DIP2C: variants seen among roughly 807,000 people sequenced by gnomAD.
The protein encoded by DIP2C is DIP2 acetate--CoA ligase C (putative).
A neutral mutation model predicts 192.4 loss-of-function variants in DIP2C; 33 were observed. That is an observed-to-expected ratio of 0.17 (90% CI 0.13 to 0.23). The LOEUF is 0.23. Among genes scored for constraint, DIP2C ranks in the 10% least tolerant of loss-of-function variants. The pLI is 1.00. For synonymous variants in DIP2C, 979 were observed against 864.1 expected, an observed-to-expected ratio of 1.13 and a Z score of -2.33; for missense variants, 1,537 against 2,110.1, an observed-to-expected ratio of 0.73 and a Z score of 5.32.
chr10:364,260 G>C, intron 20 of DIP2C, 114 bp downstream of exon 20: 1 of 1,253,104 alleles, frequency 8.0e-7, no homozygotes, highest in South Asian at 1.5e-5. Flanking sequence ...ACATGGAAGA[G>C]GAAACGGAGA....
chr10:594,742 C>A (rs1251487484), intron 1 of DIP2C, among the ~76,000 whole-genome samples: 2 of 152,254 alleles, frequency 1.3e-5, no homozygotes, highest in South Asian at 4.1e-4. Flanking sequence ...TCAAGAAAAC[C>A]CATGTTCACT....
chr10:344,762 G>A (rs751632080), intron 28 of DIP2C, 47 bp downstream of exon 28: 40 of 1,505,028 alleles, frequency 2.7e-5, no homozygotes, highest in African/African-American at 1.1e-4. Flanking sequence ...CCTCCAGCAC[G>A]CTCCGCAGTT....
rs565745467 is a variant in DIP2C at position 631,809 on chromosome 10, A to G, written c.85+57685T>C. On this transcript the variant is annotated intron_variant, in intron 1 of 36. Coordinates refer to ENST00000280886, the MANE Select transcript of DIP2C (RefSeq NM_014974.3). ...TAGCAGCTTAATGTTTTCATGATAT[A>G]CAAGCATGAAGTTTGGCGAAGGCAT... 5.3e-5 allele frequency among the ~76,000 whole-genome samples: 8 copies of G among 152,334 alleles called. No homozygotes were observed. The South Asian group carries it at 1.7e-3, about 32-fold the overall frequency.
intron 1 of DIP2C, among the ~76,000 whole-genome samples, chr10:645,457 C>CT (rs1276551505): frequency 6.6e-6 from 1 of 152,210 alleles, no homozygotes; most frequent in African/African-American, 2.4e-5. Context: ...TGCTCCATCT[C>CT]TAACGCCAAG....
chr10:428,036 T>C (rs190025384), intron 4 of DIP2C, among the ~76,000 whole-genome samples: 3 of 152,312 alleles, frequency 2.0e-5, no homozygotes, highest in Non-Finnish European at 4.4e-5. Flanking sequence ...ATAAACAGCA[T>C]GTGTTAGATC....
chr10:668,951 A>C (rs1857280798), intron 1 of DIP2C: 1 of 151,866 alleles, frequency 6.6e-6, no homozygotes, highest in African/African-American at 2.4e-5. Context: ...AACACAACTC[A>C]CACTCAGAGG....
At chr10:687,511 G>A (rs1437205912) in intron 1 of DIP2C, among the ~76,000 whole-genome samples, 6 of 152,128 alleles carry the variant, frequency 3.9e-5, no homozygotes, top group Admixed American at 3.9e-4. Context: ...CAAGATTCAT[G>A]TGGAAGGAAA....
chr10:332,356 T>C (rs1957543960), intron 29 of DIP2C, among the ~76,000 whole-genome samples: 2 of 152,224 alleles, frequency 1.3e-5, no homozygotes, highest in African/African-American at 2.4e-5. Context: ...GAATTTCAAA[T>C]ATACTTGTGA....
intron 3 of DIP2C, among the ~76,000 whole-genome samples, chr10:448,441 C>T (rs1389577027): frequency 6.9e-6 from 1 of 144,342 alleles, no homozygotes; most frequent in Non-Finnish European, 1.5e-5. Flanking sequence ...GGATCACTCA[C>T]AGTGGGGCAG....
chr10:517,357 C>A (rs973991919), intron 1 of DIP2C, among the ~76,000 whole-genome samples: 43 of 152,254 alleles, frequency 2.8e-4, no homozygotes, highest in Admixed American at 7.8e-4. Flanking sequence ...GGTGAAGGAA[C>A]AAGGGAGGGG....
intron 1 of DIP2C, among the ~76,000 whole-genome samples, chr10:521,611 C>T (rs1846710957): frequency 6.6e-6 from 1 of 152,206 alleles, no homozygotes; most frequent in African/African-American, 2.4e-5. Context: ...CTCAAGCTCA[C>T]TGATACTGTA....
chr10:386,405 C>G (rs1014814489), intron 14 of DIP2C, among the ~76,000 whole-genome samples: 10 of 152,212 alleles, frequency 6.6e-5, no homozygotes, highest in Admixed American at 2.6e-4. Context: ...GACACAAGCC[C>G]AGGTCCTCCA....
chr10:575,987 A>G (rs1488173980), intron 1 of DIP2C, among the ~76,000 whole-genome samples: 1 of 152,232 alleles, frequency 6.6e-6, no homozygotes, highest in Non-Finnish European at 1.5e-5. Context: ...CTACTCCTGC[A>G]CGTGGGTGCC....
intron 24 of DIP2C, among the ~76,000 whole-genome samples, chr10:354,165 C>A (rs967068220): frequency 6.6e-6 from 1 of 152,258 alleles, no homozygotes; most frequent in African/African-American, 2.4e-5. Flanking sequence ...AAAAGACATC[C>A]TCAGGCCATG....
intron 32 of DIP2C, among the ~76,000 whole-genome samples, chr10:297,887 CAT>C (rs1376635535): frequency 6.6e-6 from 1 of 152,184 alleles, no homozygotes; most frequent in Non-Finnish European, 1.5e-5. Context: ...TGTATTGAAA[CAT>C]ATACCCTATG....
At chr10:581,994 A>AC (rs1850698611) in intron 1 of DIP2C, among the ~76,000 whole-genome samples, 1 of 151,758 alleles carries the variant, frequency 6.6e-6, no homozygotes, top group African/African-American at 2.4e-5. Context: ...CATAAGGAGC[A>AC]CCTCCGAGAT....
At chr10:543,071 C>T (rs1006439346) in intron 1 of DIP2C, among the ~76,000 whole-genome samples, 2 of 152,126 alleles carry the variant, frequency 1.3e-5, no homozygotes, top group South Asian at 2.1e-4. Flanking sequence ...ATGATGACAC[C>T]GATACCAACA....
intron 5 of DIP2C, among the ~76,000 whole-genome samples, chr10:422,005 T>A (rs78229598): frequency 1.3e-5 from 2 of 152,024 alleles, no homozygotes; most frequent in African/African-American, 4.8e-5. Flanking sequence ...GTGGGCTATT[T>A]AATCACAATG....
chr10:348,866 C>T (rs934920330), intron 25 of DIP2C, 104 bp from the exon 26 acceptor site: 35 of 1,516,710 alleles, frequency 2.3e-5, no homozygotes, highest in Admixed American at 1.8e-4. Context: ...AACAGGGAAA[C>T]GAGCAGCTGA....
Sources: allele counts gnomAD v4.1 joint callset (sites outside exome capture counted in the v4.1 genomes callset), GRCh38; gene constraint gnomAD v4.1.1; transcripts MANE v1.5; gene names NCBI Gene and HGNC (gene_info 2026-07-23, HGNC 2026-07-21).